Variants in DPYSL2 observed in about 807,000 individuals in gnomAD.
The protein encoded by DPYSL2 is dihydropyrimidinase like 2, also known as dihydropyrimidinase-related protein 2.
In DPYSL2, 13 loss-of-function variants were observed where a neutral mutation model predicts 69.9. That is an observed-to-expected ratio of 0.19 (90% CI 0.12 to 0.30). DPYSL2 has a LOEUF of 0.30. Among genes scored for constraint, DPYSL2 ranks in the 10% least tolerant of loss-of-function variants. The pLI is 1.00. For missense variants in DPYSL2, 587 were observed against 918.9 expected (o/e 0.64, Z 4.67); for synonymous variants, 326 against 359.1 (o/e 0.91, Z 1.04).
At chr8:26,528,065 G>T (rs1250349747) in intron 1 of DPYSL2, among the ~76,000 whole-genome samples, 10 of 152,128 alleles carry the variant, frequency 6.6e-5, no homozygotes, top group Admixed American at 6.6e-4. Flanking sequence ...CTCCCAAAGT[G>T]CTGAGATTAC....
intron 3 of DPYSL2, among the ~76,000 whole-genome samples, chr8:26,600,711 A>T (rs1273754462): frequency 6.6e-6 from 1 of 152,142 alleles, no homozygotes; most frequent in Non-Finnish European, 1.5e-5. Flanking sequence ...GTCCCCAGAA[A>T]GGCAGCCCTC....
At chr8:26,577,151 A>G (rs755360409) in intron 1 of DPYSL2, 2 of 447,290 alleles carry the variant, frequency 4.5e-6, no homozygotes, top group South Asian at 3.1e-5. Flanking sequence ...GGGTTTCCTC[A>G]GGGCTCTCAT....
At chr8:26,577,151 A>T (rs755360409) in intron 1 of DPYSL2, 1 of 447,290 alleles carries the variant, frequency 2.2e-6, no homozygotes, top group Non-Finnish European at 4.5e-6. Flanking sequence ...GGGTTTCCTC[A>T]GGGCTCTCAT....
intron 1 of DPYSL2, among the ~76,000 whole-genome samples, chr8:26,567,615 G>A (rs1017703006): frequency 1.3e-5 from 2 of 152,262 alleles, no homozygotes; most frequent in Admixed American, 6.5e-5. Context: ...CCCAGTGGGG[G>A]CATAAGAGAA....
chr8:26,631,487 G>C (rs770991732), intron 7 of DPYSL2, among the ~76,000 whole-genome samples: 12 of 152,194 alleles, frequency 7.9e-5, no homozygotes, highest in Non-Finnish European at 1.5e-4. Context: ...CAACATGTGT[G>C]GATTACAATT....
At position 26,585,217 on chromosome 8, in the gene DPYSL2, G is replaced by A. The variant is rs1486589392; in HGVS notation, c.628+1234G>A. On this transcript the variant is annotated intron_variant, in intron 3 of 13. Transcript: ENST00000521913. The surrounding 1 kb of genome is among the most constrained non-coding windows in gnomAD (Gnocchi z 4.0). The stretch of plus-strand genomic sequence containing the variant: ...AAGTAGAAAGAACTTAGCTGTTTCT[G>A]CTATAGAAAAACCTTTCTTACTGGT... 6.6e-6 allele frequency among the ~76,000 whole-genome samples: 1 copy of A among 152,156 alleles called. No individual in the cohort carries two copies. Among genetic ancestry groups the A allele is most frequent in the Non-Finnish European group, 1.5e-5 (1 of 68,022 alleles).
chr8:26,514,756 GC>G lies in DPYSL2; in HGVS notation c.354+80del. On this transcript the variant is annotated intron_variant, in intron 1 of 13. Transcript: ENST00000521913. This position sits in a 1 kb window ranked among gnomAD's most constrained non-coding sequence, Gnocchi z 8.4. ...CCTCCCTCGCCCCTGAGCCCGGCGC[GC>G]CCGCCTTCATGCCCCGCCCTGGACC... 7.8e-7 allele frequency: 1 copy of G among 1,279,426 alleles called. No homozygotes were observed. Among genetic ancestry groups the G allele is most frequent in the Non-Finnish European group, 1.0e-6 (1 of 987,922 alleles). 79.3% of individuals were successfully genotyped at this position (1,279,426 alleles called of 1,614,324 possible).
rs1255109025 is a variant in DPYSL2, at chr8:26,587,719, T to TGCAGACATACCCTGCAGGCG, written c.628+3740_628+3759dup. On this transcript the variant is annotated intron_variant, in intron 3 of 13. Coordinates refer to ENST00000521913, the MANE Select transcript of DPYSL2 (RefSeq NM_001197293.3). The surrounding 1 kb of genome is among the most constrained non-coding windows in gnomAD (Gnocchi z 4.2). ...CACCCAGTGGTGGGTGGGCAGAGAC[T>TGCAGACATACCCTGCAGGCG]GCAGACATACCCTGCAGGCGGCATC... Among the ~76,000 whole-genome samples the TGCAGACATACCCTGCAGGCG allele has an allele frequency of 1.3e-5, 2 of 152,188 alleles. No homozygotes were observed. The highest frequency in any genetic ancestry group is 4.8e-5 in the African/African-American group (2 of 41,458).
At chr8:26,529,977 T>G (rs1206365152) in intron 1 of DPYSL2, among the ~76,000 whole-genome samples, 1 of 151,034 alleles carries the variant, frequency 6.6e-6, no homozygotes, top group East Asian at 1.9e-4. Context: ...CTGGGCATGG[T>G]GGCCCGTGCC....
At chr8:26,603,425 C>T (rs548569560) in intron 3 of DPYSL2, among the ~76,000 whole-genome samples, 2 of 152,346 alleles carry the variant, frequency 1.3e-5, no homozygotes. Flanking sequence ...CCTGCCTTGG[C>T]CTCCCAGAGT....
intron 1 of DPYSL2, among the ~76,000 whole-genome samples, chr8:26,535,349 G>A (rs1800573565): frequency 6.6e-6 from 1 of 152,116 alleles, no homozygotes; most frequent in African/African-American, 2.4e-5. Flanking sequence ...GTGAATTTTA[G>A]GGGAACATGA....
chr8:26,577,993 T>TCCTTCTC lies in DPYSL2; in HGVS notation c.355-3976_355-3975insCCTTCTC, dbSNP rs1491457483. The TCCTTCTC allele has an allele frequency of 2.4e-5, 29 of 1,204,094 alleles. No individual in the cohort carries two copies. In the African/African-American group the frequency reaches 4.4e-4, roughly 18 times the overall value. 74.6% of individuals were successfully genotyped at this position (1,204,094 alleles called of 1,614,324 possible). On this transcript the variant is annotated intron_variant, in intron 1 of 13. Transcript: ENST00000521913. ...CCTTCCCTCCTGTTTCTCTCTCTCCTTCTCTCTCTCTCTCTCTCTCTCTCT... is the reference window on the plus strand; with the variant it reads ...CCTTCCCTCCTGTTTCTCTCTCTCCTCCTTCTCTCTCTCTCTCTCTCTCTCTCTCTCT...
chr8:26,553,120 C>A (rs894062650), intron 1 of DPYSL2, among the ~76,000 whole-genome samples: 1 of 152,110 alleles, frequency 6.6e-6, no homozygotes, highest in East Asian at 1.9e-4. Flanking sequence ...AATAGATAAT[C>A]GGAATAGACC....
At chr8:26,529,356 ATCTC>A (rs956356197) in intron 1 of DPYSL2, among the ~76,000 whole-genome samples, 2 of 151,488 alleles carry the variant, frequency 1.3e-5, no homozygotes, top group African/African-American at 4.9e-5. Flanking sequence ...TAGAGACAGG[ATCTC>A]TCTCTGTCTC....
Position 26,640,050 on chromosome 8 carries a change from C to T in DPYSL2, c.1127-3389C>T, listed in dbSNP as rs893353629. On this transcript the variant is annotated intron_variant, in intron 8 of 13. Coordinates refer to ENST00000521913, the MANE Select transcript of DPYSL2 (RefSeq NM_001197293.3). This position sits in a 1 kb window ranked among gnomAD's most constrained non-coding sequence, Gnocchi z 4.2. The stretch of plus-strand genomic sequence containing the variant: ...GTGTGTAACTGTCTGTCTGTCTGTC[C>T]ATCCCAGTTGGTTTTCACTGTGCTT... Among the ~76,000 whole-genome samples the T allele has an allele frequency of 4.6e-5, 7 of 152,116 alleles. No homozygotes were observed. The highest frequency in any genetic ancestry group is 1.4e-4 in the African/African-American group (6 of 41,402).
rs1426103334 is a variant in DPYSL2 at position 26,562,914 on chromosome 8, G to C, written c.355-19055G>C. 2.0e-5 allele frequency among the ~76,000 whole-genome samples: 3 copies of C among 152,168 alleles called. No individual in the cohort carries two copies. Among genetic ancestry groups the C allele is most frequent in the South Asian group, 2.1e-4 (1 of 4,824 alleles). ...GTCACCTTGGCACCATGGCAGGAAG[G>C]CTGGGCTTGGGGGGACTCTGCTGGA... is the stretch of plus-strand genomic sequence containing the variant. On this transcript the variant is annotated intron_variant, in intron 1 of 13. Transcript: ENST00000521913. The surrounding 1 kb of genome is among the most constrained non-coding windows in gnomAD (Gnocchi z 4.9).
Position 26,610,519 on chromosome 8 carries a change from C to G in DPYSL2, c.629-13624C>G, listed in dbSNP as rs1802200697. Among the ~76,000 whole-genome samples the G allele has an allele frequency of 6.6e-6, 1 of 152,134 alleles. No homozygotes were observed. Among genetic ancestry groups the G allele is most frequent in the Non-Finnish European group, 1.5e-5 (1 of 68,040 alleles). On this transcript the variant is annotated intron_variant, in intron 3 of 13. Coordinates refer to ENST00000521913, the MANE Select transcript of DPYSL2 (RefSeq NM_001197293.3). The surrounding 1 kb of genome is among the most constrained non-coding windows in gnomAD (Gnocchi z 4.5). The stretch of plus-strand genomic sequence containing the variant: ...TGTTTGTTTGGGTCGTATGCAGTTT[C>G]ATGCAGAAGACTTAGCTAGATGAGT...
intron 7 of DPYSL2, among the ~76,000 whole-genome samples, chr8:26,629,557 T>C (rs1321729593): frequency 6.6e-6 from 1 of 152,162 alleles, no homozygotes; most frequent in East Asian, 1.9e-4. Context: ...AACCTTCTCA[T>C]GCGTGCTAAA....
Position 26,653,150 on chromosome 8 carries a change from C to T in DPYSL2, c.1777-82C>T. 6.7e-7 allele frequency: 1 copy of T among 1,497,956 alleles called. No homozygotes were observed. Among genetic ancestry groups the T allele is most frequent in the Non-Finnish European group, 9.1e-7 (1 of 1,104,232 alleles). 92.8% of individuals were successfully genotyped at this position (1,497,956 alleles called of 1,614,324 possible). On this transcript the variant is annotated intron_variant, in intron 12 of 13. Coordinates refer to ENST00000521913, the MANE Select transcript of DPYSL2 (RefSeq NM_001197293.3). The surrounding 1 kb of genome is among the most constrained non-coding windows in gnomAD (Gnocchi z 5.7). ...GCCCTCCATCCCTAGATCTCACAGG[C>T]CCATCCTCCCTCCAGGAGGGTTTCT...
Sources: gnomAD v4.1 joint callset for allele counts (sites outside exome capture counted in the v4.1 genomes callset) on GRCh38, gnomAD v4.1.1 for gene constraint, Gnocchi (gnomAD v3.1) non-coding constraint, MANE v1.5 for transcripts, NCBI Gene and HGNC (gene_info 2026-07-23, HGNC 2026-07-21) for gene names.